PTPRB: variants seen among roughly 807,000 people sequenced by gnomAD.
The protein encoded by PTPRB is receptor-type tyrosine-protein phosphatase beta.
A neutral mutation model predicts 238.1 loss-of-function variants in PTPRB; 97 were observed. That is an observed-to-expected ratio of 0.41 (90% CI 0.35 to 0.48). PTPRB has a LOEUF of 0.48. Ranked by LOEUF, PTPRB falls within the 20% of genes least tolerant of loss-of-function variation. PTPRB has a pLI of 0.30. For missense variants in PTPRB, 2,292 were observed against 2,681.9 expected (o/e 0.85, Z 3.21); for synonymous variants, 970 against 995.4 (o/e 0.97, Z 0.48).
rs1488620675 is a variant in PTPRB at position 70,520,253 on chromosome 12, T to TTTG, written c.*1233_*1235dup. 2.1e-6 allele frequency: 1 copy of TTTG among 465,240 alleles called. No homozygotes were observed. Among genetic ancestry groups the TTTG allele is most frequent in the Non-Finnish European group, 4.3e-6 (1 of 231,396 alleles). 28.8% of individuals were successfully genotyped at this position (465,240 alleles called of 1,614,324 possible). On this transcript the variant is annotated 3_prime_UTR_variant, in exon 34 of 34. Coordinates refer to ENST00000334414, the MANE Select transcript of PTPRB (RefSeq NM_001109754.4). ...GGAAATACTTTCTGACTCATTGGAA[T>TTTG]TTGTTATAGTCAAAGTAAGTAAGGC...
intron 4 of PTPRB, among the ~76,000 whole-genome samples, chr12:70,602,662 G>A (rs181796200): frequency 3.3e-5 from 5 of 152,296 alleles, no homozygotes; most frequent in Admixed American, 2.6e-4. Flanking sequence ...GATGTGCAGT[G>A]GGGGAGTGGG....
At chr12:70,628,811 C>G (rs1885318493) in intron 2 of PTPRB, among the ~76,000 whole-genome samples, 1 of 152,050 alleles carries the variant, frequency 6.6e-6, no homozygotes, top group African/African-American at 2.4e-5. Flanking sequence ...GCAATTCTCC[C>G]ACCTTGGCCT....
At chr12:70,600,663 TTG>T (rs1883398116) in intron 4 of PTPRB, among the ~76,000 whole-genome samples, 1 of 152,186 alleles carries the variant, frequency 6.6e-6, no homozygotes, top group South Asian at 2.1e-4. Flanking sequence ...TCCCTTCATT[TTG>T]TGTTGGATTA....
intron 3 of PTPRB, among the ~76,000 whole-genome samples, chr12:70,612,330 T>C (rs1884492635): frequency 6.6e-6 from 1 of 152,202 alleles, no homozygotes; most frequent in African/African-American, 2.4e-5. Context: ...AAGAAAACTG[T>C]AATATATTCA....
chr12:70,521,074 C>A lies in PTPRB; in HGVS notation c.*415G>T, dbSNP rs1871605548. ...AATCTAGCCATAGTATTTGCTCTCT[C>A]TAGCCCTGCCCTTTTTCCTGTCCAG... is the stretch of plus-strand genomic sequence containing the variant. On this transcript the variant is annotated 3_prime_UTR_variant, in exon 34 of 34. Transcript: ENST00000334414. The A allele has an allele frequency of 6.3e-6, 1 of 159,534 alleles. No homozygotes were observed. Among genetic ancestry groups the A allele is most frequent in the Admixed American group, 6.3e-5 (1 of 15,826 alleles). 9.9% of individuals were successfully genotyped at this position (159,534 alleles called of 1,614,324 possible).
At chr12:70,589,825 G>A in intron 8 of PTPRB, 139 bp downstream of exon 8, 1 of 782,942 alleles carries the variant, frequency 1.3e-6, no homozygotes, top group Non-Finnish European at 2.0e-6. Flanking sequence ...GAAACCCCAT[G>A]TTAGCCTTAA....
intron 10 of PTPRB, among the ~76,000 whole-genome samples, chr12:70,578,912 G>T (rs545292182): frequency 6.6e-6 from 1 of 152,278 alleles, no homozygotes; most frequent in African/African-American, 2.4e-5. Flanking sequence ...AATGTGGGTG[G>T]AAGTGAAATG....
At chr12:70,546,848 G>A (rs1256887383) in intron 21 of PTPRB, among the ~76,000 whole-genome samples, 2 of 152,030 alleles carry the variant, frequency 1.3e-5, no homozygotes, top group Admixed American at 1.3e-4. Flanking sequence ...GCTGGAGGAG[G>A]GCATCGCTGC....
intron 14 of PTPRB, among the ~76,000 whole-genome samples, chr12:70,567,076 T>C (rs1320050890): frequency 6.6e-6 from 1 of 152,200 alleles, no homozygotes; most frequent in African/African-American, 2.4e-5. Flanking sequence ...ATGTCTCTTG[T>C]TTAGACTTTT....
At chr12:70,574,578 C>T (rs76746325) in intron 11 of PTPRB, among the ~76,000 whole-genome samples, 12,515 of 152,164 alleles carry the variant, frequency 0.082, 557 homozygotes, top group Middle Eastern at 0.14. Context: ...CCAGGTGGAA[C>T]GGGGTAATTT....
chr12:70,609,003 C>G (rs1243525360), intron 4 of PTPRB, 66 bp downstream of exon 4: 8 of 1,530,882 alleles, frequency 5.2e-6, no homozygotes, highest in Non-Finnish European at 6.2e-6. Context: ...AATGAAACAC[C>G]AGCTTGAAAA....
intron 2 of PTPRB, among the ~76,000 whole-genome samples, chr12:70,635,166 C>T (rs1256432433): frequency 6.6e-6 from 1 of 152,166 alleles, no homozygotes; most frequent in Non-Finnish European, 1.5e-5. Flanking sequence ...ATATCTACCC[C>T]TAAACAGCAA....
rs184213749 is a variant in PTPRB, at chr12:70,533,404, A to G, written c.6368+1084T>C. ...TCTTACTGCTGCAGTTCCCTGCTCC[A>G]TATTTATTAGTGCCATTCAGTTAGG... On this transcript the variant is annotated intron_variant, in intron 31 of 33. Coordinates refer to ENST00000334414, the MANE Select transcript of PTPRB (RefSeq NM_001109754.4). 4.9e-3 allele frequency among the ~76,000 whole-genome samples: 751 copies of G among 152,292 alleles called. 7 individuals are homozygous for G. The highest frequency in any genetic ancestry group is 7.8e-3 in the Admixed American group (120 of 15,290).
intron 10 of PTPRB, 80 bp from the exon 11 acceptor site, chr12:70,576,725 G>A (rs921675392): frequency 6.8e-6 from 5 of 739,862 alleles, no homozygotes; most frequent in Admixed American, 2.4e-5. Flanking sequence ...AGTTTGAGTC[G>A]TCTATTGCAG....
At chr12:70,635,022 G>GC (rs1885619697) in intron 2 of PTPRB, among the ~76,000 whole-genome samples, 1 of 152,166 alleles carries the variant, frequency 6.6e-6, no homozygotes, top group Non-Finnish European at 1.5e-5. Context: ...TGCACCAGGA[G>GC]CTTGCACATG....
At chr12:70,540,058 T>C (rs997718062) in intron 23 of PTPRB, 36 bp from the exon 24 acceptor site, 10 of 1,539,470 alleles carry the variant, frequency 6.5e-6, no homozygotes, top group Admixed American at 3.5e-5. Flanking sequence ...ATTCTGATTA[T>C]GATACTTGGC....
chr12:70,594,506 C>A lies in PTPRB; in HGVS notation c.1477G>T (p.Ala493Ser), dbSNP rs1882804987. ...LYNLTVMTEA[A>S]GLQNYRWKLV... ...TTCCACCTGTAGTTTTGCAGCCCTG[C>A]AGCCTCAGTCATAACAGTGAGGTTG... The change falls in exon 6 of 34, where the codon GCA (alanine) becomes TCA (serine). Residue 493 changes from alanine (A) to serine (S), a missense_variant. Physicochemically the swap from Ala to Ser is moderately conservative, Grantham distance 99 (BLOSUM62 1). Around this residue, in one of 4 missense-constraint regions of PTPRB, gnomAD observed 1,205 missense variants for 1,287.8 expected, o/e 0.94. Coordinates refer to ENST00000334414, the MANE Select transcript of PTPRB (RefSeq NM_001109754.4). 1 of 1,613,998 alleles carries A rather than the reference C, an allele frequency of 6.2e-7. No individual in the cohort carries two copies. Among genetic ancestry groups the A allele is most frequent in the Non-Finnish European group, 8.5e-7 (1 of 1,179,878 alleles).
At chr12:70,535,250 T>TTTTC (rs1565909903) in intron 29 of PTPRB, among the ~76,000 whole-genome samples, 1 of 103,346 alleles carries the variant, frequency 9.7e-6, no homozygotes, top group Non-Finnish European at 2.0e-5. Context: ...TTTTTTTTTT[T>TTTTC]CCCCTCAGCA....
rs1874984019 is a variant in PTPRB, at chr12:70,540,939, A to G, written c.5513T>C (p.Ile1838Thr). 2 of 1,604,610 alleles carry G rather than the reference A, an allele frequency of 1.2e-6. No homozygotes were observed. Among genetic ancestry groups the G allele is most frequent in the Admixed American group, 1.7e-5 (1 of 58,734 alleles). The change falls in exon 23 of 34, where the codon ATT becomes ACT. Residue 1838 changes from isoleucine (I) to threonine (T), a missense_variant. Around this residue, in one of 4 missense-constraint regions of PTPRB, gnomAD observed 397 missense variants for 502.0 expected, o/e 0.79. Coordinates refer to ENST00000334414, the MANE Select transcript of PTPRB (RefSeq NM_001109754.4). ...AAACAGACCAGCACTCACACCTTCA[A>G]TAGCTCCAAACAAGGGCTCTACAAT... ...TTESEPLFGA[I>T]EGVSAGLFLI...
Sources: allele counts gnomAD v4.1 joint callset (sites outside exome capture counted in the v4.1 genomes callset), GRCh38; gene constraint gnomAD v4.1.1; regional missense constraint gnomAD v4.1.1; transcripts MANE v1.5; gene names NCBI Gene and HGNC (gene_info 2026-07-23, HGNC 2026-07-21).